RYR3: variants seen among roughly 807,000 people sequenced by gnomAD.
The protein encoded by RYR3 is brain ryanodine receptor-calcium release channel.
Under a neutral mutation model 584.3 loss-of-function variants are expected in RYR3, and 207 were observed. The ratio of observed to expected loss-of-function variants is 0.35; its 90% CI spans 0.32 to 0.40. The LOEUF is 0.40. Ranked by LOEUF, RYR3 falls within the 10% of genes least tolerant of loss-of-function variation. RYR3 has a pLI of 1.00. For synonymous variants in RYR3, 2,416 were observed against 2,248.5 expected, an observed-to-expected ratio of 1.07 and a Z score of -2.11; for missense variants, 5,616 against 6,089.2, an observed-to-expected ratio of 0.92 and a Z score of 2.59.
At chr15:33,495,354 A>T (rs1192017728) in intron 2 of RYR3, among the ~76,000 whole-genome samples, 1 of 152,186 alleles carries the variant, frequency 6.6e-6, no homozygotes, top group Non-Finnish European at 1.5e-5. Flanking sequence ...AGTCAGAAAG[A>T]GTTGGGTGTG....
intron 89 of RYR3, 124 bp downstream of exon 89, chr15:33,839,082 G>T: frequency 1.7e-6 from 2 of 1,196,008 alleles, no homozygotes; most frequent in Middle Eastern, 2.9e-4. Flanking sequence ...AGTGGCTGTG[G>T]TGTGATTACG....
chr15:33,380,742 C>T (rs1488956288), intron 1 of RYR3, among the ~76,000 whole-genome samples: 1 of 152,206 alleles, frequency 6.6e-6, no homozygotes, highest in Non-Finnish European at 1.5e-5. Context: ...ACAGGACATT[C>T]GTTCAGAGCC....
intron 3 of RYR3, among the ~76,000 whole-genome samples, chr15:33,505,200 C>T (rs1338804370): frequency 6.6e-6 from 1 of 152,206 alleles, no homozygotes; most frequent in African/African-American, 2.4e-5. Context: ...CGGCCATCCT[C>T]CAGCCCTTAA....
In RYR3 at chr15:33,713,212, G is replaced by A. The variant is rs79481487; in HGVS notation, c.6619+6158G>A. Among the ~76,000 whole-genome samples, 411 of 152,240 alleles carry A rather than the reference G, an allele frequency of 2.7e-3. 2 individuals carry two copies. Among genetic ancestry groups the A allele is most frequent in the Admixed American group, 4.8e-3 (74 of 15,294 alleles). ...GGTGGGTGATGGTAGATGATGGTGGGTGGTGGTATATGATTATGGTGGGTG... is the reference window on the plus strand; with the variant it reads ...GGTGGGTGATGGTAGATGATGGTGGATGGTGGTATATGATTATGGTGGGTG... On this transcript the variant is annotated intron_variant, in intron 43 of 103. Coordinates refer to ENST00000634891, the MANE Select transcript of RYR3 (RefSeq NM_001036.6).
chr15:33,816,736 A>C (rs982971346), intron 74 of RYR3, 126 bp from the exon 75 acceptor site: 3 of 595,000 alleles, frequency 5.0e-6, no homozygotes, highest in Non-Finnish European at 9.2e-6. Flanking sequence ...GCTACTGGCT[A>C]CCCTGACCAA....
At chr15:33,315,342 G>A (rs1968012159) in intron 1 of RYR3, among the ~76,000 whole-genome samples, 1 of 152,150 alleles carries the variant, frequency 6.6e-6, no homozygotes, top group South Asian at 2.1e-4. Flanking sequence ...TGAAGCCTGT[G>A]TTTTGGTAGA....
intron 67 of RYR3, among the ~76,000 whole-genome samples, chr15:33,796,117 T>C (rs1217539837): frequency 6.6e-6 from 1 of 151,966 alleles, no homozygotes; most frequent in African/African-American, 2.4e-5. Context: ...GTTTTTTGTT[T>C]TGTTTTGTTT....
At position 33,801,900 on chromosome 15, in the gene RYR3, T is replaced by C. The variant is rs150028316; in HGVS notation, c.9950T>C (p.Ile3317Thr). The C allele has an allele frequency of 2.7e-3, 4,214 of 1,579,436 alleles. 16 individuals are homozygous for C. Among genetic ancestry groups the C allele is most frequent in the South Asian group, 8.9e-3 (768 of 86,680 alleles). Residue 3317 changes from isoleucine (I) to threonine (T), a missense_variant, in exon 69 of 104, where the codon ATT (isoleucine) becomes ACT (threonine). By Grantham distance (89) the Ile-to-Thr change is moderately conservative (BLOSUM62 -1). Transcript: ENST00000634891. Reference sequence around the variant, plus strand: ...AAGAGAGAAGAGCAAAATTTTGTGATTCAGAATGAAATTAATAATTTGGCA... The same window carrying C: ...AAGAGAGAAGAGCAAAATTTTGTGACTCAGAATGAAATTAATAATTTGGCA... ...NFKREEQNFV[I>T]QNEINNLAFL... is the part of the protein sequence containing the mutation.
In RYR3 at chr15:33,820,736, C is replaced by T; in HGVS notation, c.10759-20C>T. ...AATTTGATTGTCTGTCTTCTCCCTT[C>T]CCTGCTCCATGAAATCCAGAGTTGT... is the stretch of plus-strand genomic sequence containing the variant. On this transcript the variant is annotated intron_variant, in intron 77 of 103. Coordinates refer to ENST00000634891, the MANE Select transcript of RYR3 (RefSeq NM_001036.6). 6.3e-7 allele frequency: 1 copy of T among 1,597,820 alleles called. No homozygotes were observed. The highest frequency in any genetic ancestry group is 8.5e-7 in the Non-Finnish European group (1 of 1,170,694).
intron 1 of RYR3, chr15:33,473,201 C>A: frequency 1.5e-6 from 1 of 677,652 alleles, no homozygotes; most frequent in Non-Finnish European, 2.7e-6. Flanking sequence ...CCCCCACTGA[C>A]CTCACTCCAG....
At chr15:33,689,661 A>T (rs556370665) in intron 38 of RYR3, among the ~76,000 whole-genome samples, 1 of 152,162 alleles carries the variant, frequency 6.6e-6, no homozygotes, top group Admixed American at 6.5e-5. Context: ...AATATAAAAA[A>T]CTTCAGATAA....
At chr15:33,557,821 T>C (rs558015784) in intron 10 of RYR3, among the ~76,000 whole-genome samples, 1 of 152,346 alleles carries the variant, frequency 6.6e-6, no homozygotes, top group Non-Finnish European at 1.5e-5. Flanking sequence ...AATACTAATA[T>C]GACAATTATG....
intron 3 of RYR3, among the ~76,000 whole-genome samples, chr15:33,517,966 C>T (rs749592364): frequency 1.3e-5 from 2 of 152,084 alleles, no homozygotes; most frequent in Non-Finnish European, 1.5e-5. Flanking sequence ...ATGTTCTTTC[C>T]GTTCTCTGGT....
At chr15:33,696,141 G>T in intron 38 of RYR3, 77 bp from the exon 39 acceptor site, 8 of 1,386,804 alleles carry the variant, frequency 5.8e-6, no homozygotes, top group Non-Finnish European at 7.9e-6. Context: ...TCTTCTATTT[G>T]CATGAAGTGG....
chr15:33,851,653 G>A (rs2079122981), intron 94 of RYR3: 1 of 152,124 alleles, frequency 6.6e-6, no homozygotes, highest in African/African-American at 2.4e-5. Flanking sequence ...TCTATGAAGG[G>A]GTCATGCCCA....
chr15:33,550,287 T>G lies in RYR3; in HGVS notation c.943T>G (p.Ser315Ala). The G allele has an allele frequency of 6.2e-7, 1 of 1,613,402 alleles. No individual in the cohort carries two copies. The highest frequency in any genetic ancestry group is 8.5e-7 in the Non-Finnish European group (1 of 1,179,644). ...LQDRAKSDTK[S>A]TAFSFRASKE... ...AGACCGGGCAAAGTCAGACACCAAGTCCACAGCTTTCTCTTTCCGGGCATC... is the reference window on the plus strand; with the variant it reads ...AGACCGGGCAAAGTCAGACACCAAGGCCACAGCTTTCTCTTTCCGGGCATC... The change falls in exon 10 of 104, where the codon TCC (serine) becomes GCC (alanine). Residue 315 changes from serine (S) to alanine (A), a missense_variant. Coordinates refer to ENST00000634891, the MANE Select transcript of RYR3 (RefSeq NM_001036.6).
intron 2 of RYR3, among the ~76,000 whole-genome samples, chr15:33,478,530 A>G (rs952460204): frequency 3.3e-5 from 5 of 152,236 alleles, no homozygotes; most frequent in African/African-American, 1.2e-4. Flanking sequence ...CAGGCTATCA[A>G]TCAGGGATCA....
At chr15:33,450,074 G>A (rs2046983572) in intron 1 of RYR3, among the ~76,000 whole-genome samples, 1 of 103,746 alleles carries the variant, frequency 9.6e-6, no homozygotes, top group Non-Finnish European at 1.8e-5. Context: ...ACTGCGGCTA[G>A]AGCATTAATA....
chr15:33,468,185 C>CAT (rs1031498472), intron 1 of RYR3, among the ~76,000 whole-genome samples: 1 of 152,146 alleles, frequency 6.6e-6, no homozygotes, highest in African/African-American at 2.4e-5. Flanking sequence ...AAATATAGAG[C>CAT]ATATTAGCAC....
Sources: allele counts gnomAD v4.1 joint callset (sites outside exome capture counted in the v4.1 genomes callset), GRCh38; gene constraint gnomAD v4.1.1; transcripts MANE v1.5; gene names NCBI Gene and HGNC (gene_info 2026-07-23, HGNC 2026-07-21).